Variants in TENM1 observed in about 807,000 individuals in gnomAD.
TENM1 encodes teneurin-1.
A neutral mutation model predicts 174.8 loss-of-function variants in TENM1; 35 were observed. The ratio of observed to expected loss-of-function variants is 0.20; its 90% CI spans 0.15 to 0.27. TENM1 has a LOEUF of 0.27. TENM1 is among the 10% of genes least tolerant of loss of function. The probability of loss-of-function intolerance (pLI) is 1.00; values close to 1 mark genes in which losing one functional copy is unlikely to be tolerated. For missense variants in TENM1, 1,633 were observed against 2,130.1 expected (o/e 0.77, Z 4.59); for synonymous variants, 781 against 798.7 (o/e 0.98, Z 0.37).
chrX:125,152,052 T>C, the TENM1 span, among the ~76,000 whole-genome samples: 2 of 110,920 alleles, frequency 1.8e-5, no homozygotes, highest in Non-Finnish European at 3.8e-5. Flanking sequence ...AGCCAGGAGT[T>C]TGAGACCAGC....
chrX:124,422,710 G>T (rs1266066775), intron 23 of TENM1, 72 bp from the exon 27 acceptor site: 2 of 1,039,401 alleles, frequency 1.9e-6, no homozygotes, highest in South Asian at 4.7e-5. Context: ...TTGAAAAAAA[G>T]AAAAAAAAAT....
chrX:125,171,938 A>C, the TENM1 span, among the ~76,000 whole-genome samples: 3 of 111,481 alleles, frequency 2.7e-5, no homozygotes, highest in Non-Finnish European at 3.8e-5. Flanking sequence ...TGATACTTTT[A>C]CCTACTTTAG....
At chrX:124,551,310 T>C (rs1441112455) in intron 14 of TENM1, among the ~76,000 whole-genome samples, 1 of 111,511 alleles carries the variant, frequency 9.0e-6, no homozygotes, top group Non-Finnish European at 1.9e-5. Context: ...ATGAGGCATC[T>C]AAGATAGTCA....
At chrX:124,985,419 C>T in the TENM1 span, among the ~76,000 whole-genome samples, 4 of 112,193 alleles carry the variant, frequency 3.6e-5, no homozygotes, top group African/African-American at 1.3e-4. Context: ...GATGCAGTGT[C>T]ACCTTAAAGC....
At chrX:125,005,823 C>T in the TENM1 span, among the ~76,000 whole-genome samples, 5 of 111,625 alleles carry the variant, frequency 4.5e-5, no homozygotes, top group African/African-American at 1.6e-4. Context: ...TATTAAGTGA[C>T]TGTGCCACCT....
the TENM1 span, among the ~76,000 whole-genome samples, chrX:125,017,272 C>T: frequency 8.9e-6 from 1 of 112,117 alleles, no homozygotes; most frequent in Non-Finnish European, 1.9e-5. Context: ...TCAGAGTGAA[C>T]AGGCAACCTA....
At chrX:124,945,105 G>A (rs973864359) in intron 1 of TENM1, among the ~76,000 whole-genome samples, 7 of 111,868 alleles carry the variant, frequency 6.3e-5, no homozygotes, top group African/African-American at 2.3e-4. Context: ...CGTAGTCAGG[G>A]AATGCCTCTC....
chrX:124,964,661 C>T (rs141899515), upstream of TENM1, among the ~76,000 whole-genome samples: 75 of 111,597 alleles, frequency 6.7e-4, no homozygotes, highest in East Asian at 0.02. Context: ...AGTTTCGAGA[C>T]GATCAAGTGT....
the TENM1 span, among the ~76,000 whole-genome samples, chrX:125,145,222 T>C: frequency 8.9e-6 from 1 of 111,872 alleles, no homozygotes; most frequent in Non-Finnish European, 1.9e-5. Flanking sequence ...AGCCAGAACA[T>C]GTGGCTCCCC....
intron 3 of TENM1, among the ~76,000 whole-genome samples, chrX:124,805,749 C>T (rs750883068): frequency 6.2e-5 from 7 of 113,262 alleles, no homozygotes; most frequent in South Asian, 3.6e-4. Context: ...AGCACCACAA[C>T]GGCCACAGCC....
intron 3 of TENM1, among the ~76,000 whole-genome samples, chrX:124,877,972 G>T (rs778511814): frequency 9.0e-6 from 1 of 111,613 alleles, no homozygotes; most frequent in Admixed American, 9.5e-5. Flanking sequence ...TAATTAAGTG[G>T]AAGTGAATCA....
chrX:124,823,987 G>T (rs1357326465), intron 3 of TENM1, among the ~76,000 whole-genome samples: 1 of 111,410 alleles, frequency 9.0e-6, no homozygotes, highest in East Asian at 2.8e-4. Flanking sequence ...GTTTTCTAAA[G>T]CATTTCAGCT....
chrX:124,401,385 C>T (rs1465023104), intron 27 of TENM1, among the ~76,000 whole-genome samples: 8 of 112,040 alleles, frequency 7.1e-5, no homozygotes, highest in Non-Finnish European at 1.3e-4. Context: ...TCCCACAGTA[C>T]AGAAGGGGTT....
At chrX:124,732,419 T>A (rs1451577517) in intron 4 of TENM1, among the ~76,000 whole-genome samples, 1 of 111,835 alleles carries the variant, frequency 8.9e-6, no homozygotes, top group East Asian at 2.8e-4. Context: ...GAGAGTCCCA[T>A]CTAAGGAACA....
At chrX:124,468,427 C>T (rs1168513306) in intron 22 of TENM1, among the ~76,000 whole-genome samples, 3 of 112,143 alleles carry the variant, frequency 2.7e-5, no homozygotes, top group Non-Finnish European at 5.6e-5. Context: ...CTGCCCGCCT[C>T]GGCCTCCCAA....
intron 3 of TENM1, among the ~76,000 whole-genome samples, chrX:124,737,908 G>A (rs1250717494): frequency 1.8e-5 from 2 of 112,255 alleles, no homozygotes; most frequent in South Asian, 7.4e-4. Context: ...GTTAGCGGCA[G>A]CTTAGGCAGC....
intron 4 of TENM1, among the ~76,000 whole-genome samples, chrX:124,736,142 G>A (rs2053666078): frequency 8.9e-6 from 1 of 111,926 alleles, no homozygotes; most frequent in Admixed American, 9.5e-5. Flanking sequence ...AAAAACAAGG[G>A]GAAGTCCTTG....
At chrX:124,757,626 G>A (rs5958578) in intron 3 of TENM1, among the ~76,000 whole-genome samples, 306 of 112,117 alleles carry the variant, frequency 2.7e-3, no homozygotes, top group African/African-American at 9.3e-3. Context: ...GTTCCTATTC[G>A]GCCATCTTTG....
chrX:124,736,731 G>A (rs960299634), intron 4 of TENM1, among the ~76,000 whole-genome samples: 1 of 111,885 alleles, frequency 8.9e-6, no homozygotes, highest in South Asian at 3.7e-4. Context: ...ATCTTTTCAC[G>A]TGTATCTGCT....
Sources: gnomAD v4.1 joint callset for allele counts (sites outside exome capture counted in the v4.1 genomes callset) on GRCh38, gnomAD v4.1.1 for gene constraint, MANE v1.5 for transcripts, NCBI Gene and HGNC (gene_info 2026-07-23, HGNC 2026-07-21) for gene names.